The following NT5DC2 variants were observed in gnomAD, a reference collection of about 807,000 sequenced individuals.
NT5DC2 encodes the protein 5'-nucleotidase domain containing 2.
NT5DC2 carries 41 observed loss-of-function variants against 70.0 expected under a neutral mutation model. The ratio of observed to expected loss-of-function variants is 0.59; its 90% CI spans 0.46 to 0.76. The LOEUF (loss-of-function observed/expected upper bound fraction) is 0.76, where lower values mean the gene tolerates loss of function less well. NT5DC2 is among the 30% of genes least tolerant of loss of function. The pLI, the probability that NT5DC2 is intolerant of heterozygous loss-of-function variation, is 0.00. For missense variants in NT5DC2, 705 were observed against 783.2 expected, an observed-to-expected ratio of 0.90 and a Z score of 1.19; for synonymous variants, 299 against 310.4, an observed-to-expected ratio of 0.96 and a Z score of 0.39.
At position 52,525,256 on chromosome 3, in the gene NT5DC2, C is replaced by A; in HGVS notation, c.1159G>T (p.Gly387Cys). 1 of 1,612,860 alleles carries A rather than the reference C, an allele frequency of 6.2e-7. No individual in the cohort carries two copies. Among genetic ancestry groups the A allele is most frequent in the Non-Finnish European group, 8.5e-7 (1 of 1,179,954 alleles). The change falls in exon 11 of 14, where the codon GGC becomes TGC. Residue 387 changes from glycine (G) to cysteine (C), a missense_variant. Transcript: ENST00000422318. ...TCCCCGAAGTAGAGCACGCGGGGGC[C>A]ACGCCATTCCGTCAAGCGTAAGAAG... ...FDFLRLTEWRGPRVLYFGDHL... is the reference protein window; with the variant it reads ...FDFLRLTEWRCPRVLYFGDHL...
upstream of NT5DC2, chr3:52,534,477 T>G (rs767225604): frequency 1.0e-4 from 164 of 1,611,248 alleles, 1 homozygote; most frequent in African/African-American, 1.8e-3. Flanking sequence ...TGCAGGGTTG[T>G]GGGCCACGGT....
Position 52,533,806 on chromosome 3 carries a change from C to T in NT5DC2, c.-69G>A. 1.5e-5 allele frequency: 15 copies of T among 978,242 alleles called. No homozygotes were observed. The highest frequency in any genetic ancestry group is 1.8e-5 in the Non-Finnish European group (15 of 825,848). The allele number at this position is 978,242 out of a possible 1,614,324, so 60.6% of individuals were successfully genotyped here. A position where few individuals can be genotyped will look rare whatever the true frequency, so the allele number is the denominator to read the frequency against. On this transcript the variant is annotated 5_prime_UTR_variant, in exon 1 of 14. Transcript: ENST00000422318. ...CCGCCGCCCGCCGCCCGCCGCCCTC[C>T]GACTGCGCGCCCGCCACGGTGGCCT...
chr3:52,534,630 C>A, upstream of NT5DC2: 3 of 1,613,532 alleles, frequency 1.9e-6, no homozygotes, highest in Non-Finnish European at 2.5e-6. Flanking sequence ...CTCTTTCCTG[C>A]GCAGAACCGC....
At position 52,524,736 on chromosome 3, in the gene NT5DC2, C is replaced by G; in HGVS notation, c.1413-5G>C. On this transcript the variant is annotated splice_polypyrimidine_tract_variant and splice_region_variant and intron_variant, in intron 13 of 13. Coordinates refer to ENST00000422318, the MANE Select transcript of NT5DC2 (RefSeq NM_001134231.2). ...AACAGGGCCTTGGTGATGCACCTGGCGAGGGAGACACGATGCGCTCAAGGG... is the reference window on the plus strand; with the variant it reads ...AACAGGGCCTTGGTGATGCACCTGGGGAGGGAGACACGATGCGCTCAAGGG... 6.2e-7 allele frequency: 1 copy of G among 1,612,540 alleles called. No individual in the cohort carries two copies. The highest frequency in any genetic ancestry group is 2.2e-5 in the East Asian group (1 of 44,874).
rs2079393882 is a variant in NT5DC2, at chr3:52,533,778, AGCCCG to A, written c.-46_-42del. On this transcript the variant is annotated 5_prime_UTR_variant, in exon 1 of 14. Transcript: ENST00000422318. ...CCCGCCGCCCGCGCTGCCCTCGGCC[AGCCCG>A]CCGCCCGCCGCCCGCCGCCCTCCGA... 2 of 963,150 alleles carry A rather than the reference AGCCCG, an allele frequency of 2.1e-6. No homozygotes were observed. Among genetic ancestry groups the A allele is most frequent in the East Asian group, 1.2e-4 (1 of 8,558 alleles). The allele number at this position is 963,150 out of a possible 1,614,324, so 59.7% of individuals were successfully genotyped here. A position where few individuals can be genotyped will look rare whatever the true frequency, so the allele number is the denominator to read the frequency against.
chr3:52,531,564 C>G lies in NT5DC2; in HGVS notation c.232+1942G>C, dbSNP rs1162184686. The stretch of plus-strand genomic sequence containing the variant: ...GCAGACAGTCCTCCCAGGAACAAAG[C>G]AGGATGTGGAAACAGCCACAGGGCC... On this transcript the variant is annotated intron_variant, in intron 1 of 13. Transcript: ENST00000422318. This position sits in a 1 kb window ranked among gnomAD's most constrained non-coding sequence, Gnocchi z 4.1. Among the ~76,000 whole-genome samples the G allele has an allele frequency of 2.6e-5, 4 of 151,626 alleles. No homozygotes were observed. The highest frequency in any genetic ancestry group is 5.9e-5 in the Non-Finnish European group (4 of 67,976).
chr3:52,533,172 G>T (rs28661185), intron 1 of NT5DC2, among the ~76,000 whole-genome samples: 57,359 of 152,032 alleles, frequency 0.38, 12,160 homozygotes, highest in Admixed American at 0.49. Context: ...AGAACAAGGG[G>T]TTGGGGGCGT....
rs549183361 is a variant in NT5DC2, at chr3:52,531,408, C to T, written c.233-2074G>A. ...ATGGCCCTGAGTTCCCGGATACCAA[C>T]TGTGACTGTGACTCTTGGTGCAGAA... On this transcript the variant is annotated intron_variant, in intron 1 of 13. Coordinates refer to ENST00000422318, the MANE Select transcript of NT5DC2 (RefSeq NM_001134231.2). This position sits in a 1 kb window ranked among gnomAD's most constrained non-coding sequence, Gnocchi z 4.1. Among the ~76,000 whole-genome samples the T allele has an allele frequency of 1.8e-4, 28 of 152,290 alleles. No homozygotes were observed. In the South Asian group the frequency reaches 5.6e-3, roughly 30 times the overall value.
chr3:52,527,728 G>A lies in NT5DC2; in HGVS notation c.936-10C>T, dbSNP rs185096818. ...CCGCATCCCCTTGTCTCTGTGTGGA[G>A]GAGTTTCAGGTGGCAAGTAGTCTGA... is the stretch of plus-strand genomic sequence containing the variant. On this transcript the variant is annotated splice_polypyrimidine_tract_variant and intron_variant, in intron 8 of 13. Coordinates refer to ENST00000422318, the MANE Select transcript of NT5DC2 (RefSeq NM_001134231.2). The A allele has an allele frequency of 2.6e-4, 422 of 1,613,166 alleles. 2 individuals carry two copies. In the East Asian group the frequency reaches 5.9e-3, roughly 23 times the overall value.
Position 52,524,428 on chromosome 3 carries a change from GC to G in NT5DC2, c.*41del, listed in dbSNP as rs2079201051. The G allele has an allele frequency of 3.7e-6, 6 of 1,612,076 alleles. No homozygotes were observed. The highest frequency in any genetic ancestry group is 3.4e-6 in the Non-Finnish European group (4 of 1,179,286). On this transcript the variant is annotated 3_prime_UTR_variant, in exon 14 of 14. Coordinates refer to ENST00000422318, the MANE Select transcript of NT5DC2 (RefSeq NM_001134231.2). ...TTTATTGCTTGTCTGGGTGGATGGG[GC>G]AGGAGGGGCTGAGGGCCTGTCCCAG...
At chr3:52,527,533 G>C in intron 9 of NT5DC2, 84 bp downstream of exon 9, 1 of 1,518,050 alleles carries the variant, frequency 6.6e-7, no homozygotes, top group Non-Finnish European at 9.0e-7. Context: ...GCAAGGGCCA[G>C]GTTGGCCTCC....
chr3:52,525,125 C>T (rs765063831), intron 11 of NT5DC2, 22 bp from the exon 12 acceptor site: 49 of 1,052,848 alleles, frequency 4.7e-5, no homozygotes, highest in Admixed American at 4.3e-4. Flanking sequence ...GGCGGCAGAA[C>T]TGGGCTCAGC....
chr3:52,524,778 G>A (rs1375303042), intron 13 of NT5DC2, 39 bp downstream of exon 13: 4 of 1,612,566 alleles, frequency 2.5e-6, no homozygotes, highest in South Asian at 1.1e-5. Flanking sequence ...CTGGGGTGGT[G>A]GCTTGGCTGG....
rs757833810 is a variant in NT5DC2, at chr3:52,524,646, C to A, written c.1498G>T (p.Val500Leu). ...GCCATGTAGAGGTCAGAGAAGCGCACGAGGCGCCTTGAGAAGTAGGTGGGG... is the reference window on the plus strand; with the variant it reads ...GCCATGTAGAGGTCAGAGAAGCGCAAGAGGCGCCTTGAGAAGTAGGTGGGG... Reference protein sequence around the residue: ...HNPTYFSRRLVRFSDLYMASL... With the variant: ...HNPTYFSRRLLRFSDLYMASL... The change falls in exon 14 of 14, where the codon GTG becomes TTG. Residue 500 changes from valine to leucine, a missense_variant. Val to Leu is a conservative substitution (Grantham distance 32). Transcript: ENST00000422318. The A allele has an allele frequency of 1.9e-6, 3 of 1,613,062 alleles. No homozygotes were observed. The highest frequency in any genetic ancestry group is 2.5e-6 in the Non-Finnish European group (3 of 1,180,024).
In NT5DC2 at chr3:52,524,593, G is replaced by A. The variant is rs771865002; in HGVS notation, c.1551C>T (p.Arg517=). ...GGCGTGGGTAGAAGGTGAAGTCCAC[G>A]CGGTAGTTGAGCAGGCAGCTGAGGG... The part of the protein sequence containing the change: ...MASLSCLLNY[R]VDFTFYPRRT... The change falls in exon 14 of 14, where the codon CGC becomes CGT. Residue 517 remains arginine, a synonymous_variant. Transcript: ENST00000422318. 9 of 1,613,114 alleles carry A rather than the reference G, an allele frequency of 5.6e-6. No individual in the cohort carries two copies. The Admixed American group carries it at 8.3e-5, about 15-fold the overall frequency.
chr3:52,527,252 C>T (rs759795782), intron 10 of NT5DC2, 42 bp downstream of exon 10: 12 of 1,587,100 alleles, frequency 7.6e-6, no homozygotes, highest in Non-Finnish European at 1.0e-5. Flanking sequence ...TAGCTAGGCC[C>T]CATGCCCCCA....
Position 52,524,675 on chromosome 3 carries a change from TGGAAGGTGC to T in NT5DC2, c.1460_1468del (p.Arg487_Phe489del), listed in dbSNP as rs756030813. 6.2e-7 allele frequency: 1 copy of T among 1,612,866 alleles called. No individual in the cohort carries two copies. The highest frequency in any genetic ancestry group is 8.5e-7 in the Non-Finnish European group (1 of 1,180,008). On this transcript the variant is annotated inframe_deletion, in exon 14 of 14. Coordinates refer to ENST00000422318, the MANE Select transcript of NT5DC2 (RefSeq NM_001134231.2). ...GCGCCTTGAGAAGTAGGTGGGGTTG[TGGAAGGTGC>T]GGAAGATGCTGCCGAACTGCGCATT...
intron 8 of NT5DC2, 55 bp from the exon 9 acceptor site, chr3:52,527,773 C>G: frequency 1.2e-6 from 2 of 1,611,272 alleles, no homozygotes. Context: ...CGTGCCTGCC[C>G]TCCCCACCCA....
intron 1 of NT5DC2, among the ~76,000 whole-genome samples, chr3:52,532,935 C>T (rs1032562911): frequency 6.6e-6 from 1 of 152,132 alleles, no homozygotes; most frequent in Non-Finnish European, 1.5e-5. Context: ...GGTTAAGTGC[C>T]CTTTGCAGCC....
Sources: allele counts gnomAD v4.1 joint callset (sites outside exome capture counted in the v4.1 genomes callset), GRCh38; gene constraint gnomAD v4.1.1; non-coding constraint Gnocchi (gnomAD v3.1); transcripts MANE v1.5; gene names NCBI Gene and HGNC (gene_info 2026-07-23, HGNC 2026-07-21).